MGAT4D: variants seen among roughly 807,000 people sequenced by gnomAD.
MGAT4D encodes alpha-1,3-mannosyl-glycoprotein 4-beta-N-acetylglucosaminyltransferase-like protein MGAT4D.
MGAT4D carries 34 observed loss-of-function variants against 15.9 expected under a neutral mutation model. That is an observed-to-expected ratio of 2.14 (90% CI 1.62 to 2.84). MGAT4D has a LOEUF of 2.84. Among genes scored for constraint, MGAT4D ranks in the 30% most tolerant of loss-of-function variants. The pLI is 0.00. For synonymous variants in MGAT4D, 112 were observed against 48.2 expected, an observed-to-expected ratio of 2.33 and a Z score of -5.49; for missense variants, 327 against 140.2, an observed-to-expected ratio of 2.33 and a Z score of -6.73.
chr4:140,472,102 A>C (rs1303017593), intron 4 of MGAT4D, among the ~76,000 whole-genome samples: 1 of 152,096 alleles, frequency 6.6e-6, no homozygotes, highest in Non-Finnish European at 1.5e-5. Context: ...GATATATAAG[A>C]TTACATAAAA....
At chr4:140,473,413 C>T (rs1732104561) in intron 4 of MGAT4D, among the ~76,000 whole-genome samples, 1 of 152,102 alleles carries the variant, frequency 6.6e-6, no homozygotes, top group African/African-American at 2.4e-5. Context: ...CACTGAAAAT[C>T]CTGAAATAAT....
Position 140,451,440 on chromosome 4 carries a change from T to A in MGAT4D, c.1086A>T (p.Ser362=), listed in dbSNP as rs1312477247. ...PSLFQHVGIH[S]SFPRKEQYEK... is the part of the protein sequence containing the mutation. Reference sequence around the variant, plus strand: ...CATATTGTTCTTTTCTAGGGAATGATGAATGTATACCCACATGCTGGAAAA... The same window carrying A: ...CATATTGTTCTTTTCTAGGGAATGAAGAATGTATACCCACATGCTGGAAAA... Residue 362 remains serine (S), a synonymous_variant, in exon 10 of 11, where the codon TCA becomes TCT. Transcript: ENST00000511113. 1.6e-6 allele frequency: 1 copy of A among 619,756 alleles called. No homozygotes were observed. The highest frequency in any genetic ancestry group is 2.9e-6 in the Non-Finnish European group (1 of 339,960). The allele number at this position is 619,756 out of a possible 1,614,324, so 38.4% of individuals were successfully genotyped here. A position where few individuals can be genotyped will look rare whatever the true frequency, so the allele number is the denominator to read the frequency against.
At chr4:140,493,464 T>A (rs1446677736) in intron 1 of MGAT4D, among the ~76,000 whole-genome samples, 1 of 151,660 alleles carries the variant, frequency 6.6e-6, no homozygotes, top group Non-Finnish European at 1.5e-5. Flanking sequence ...CCCGGCTAAT[T>A]TTTTGTATTT....
chr4:140,462,042 TATTA>T (rs1477606735), intron 6 of MGAT4D, 38 bp from the exon 7 acceptor site: 4 of 686,134 alleles, frequency 5.8e-6, no homozygotes, highest in African/African-American at 5.3e-5. Flanking sequence ...TATTTGTCAT[TATTA>T]ATTTTTATTT....
intron 6 of MGAT4D, 79 bp from the exon 7 acceptor site, chr4:140,462,083 C>G: frequency 1.6e-6 from 1 of 638,504 alleles, no homozygotes; most frequent in Non-Finnish European, 2.8e-6. Context: ...AATTAAAAAA[C>G]TCTTTGGCAG....
intron 5 of MGAT4D, among the ~76,000 whole-genome samples, chr4:140,469,389 T>G (rs1305088223): frequency 6.6e-6 from 1 of 152,226 alleles, no homozygotes; most frequent in Non-Finnish European, 1.5e-5. Flanking sequence ...AATGGTATTA[T>G]TCACACTTTG....
At chr4:140,481,899 G>T (rs1732757861) in intron 2 of MGAT4D, among the ~76,000 whole-genome samples, 1 of 152,208 alleles carries the variant, frequency 6.6e-6, no homozygotes, top group Non-Finnish European at 1.5e-5. Context: ...TTAGCTGTAT[G>T]TTACTAGTCA....
chr4:140,470,218 T>C (rs987462681), intron 5 of MGAT4D, among the ~76,000 whole-genome samples: 3 of 152,198 alleles, frequency 2.0e-5, no homozygotes, highest in Non-Finnish European at 4.4e-5. Context: ...TTTCCTCTAT[T>C]TGAACGACCA....
chr4:140,494,878 C>A (rs564590707), intron 1 of MGAT4D, among the ~76,000 whole-genome samples: 1 of 152,166 alleles, frequency 6.6e-6, no homozygotes, highest in Non-Finnish European at 1.5e-5. Context: ...AATTACCCAA[C>A]CCAAAATGTC....
chr4:140,493,719 G>A (rs556062613), intron 1 of MGAT4D, among the ~76,000 whole-genome samples: 42 of 152,216 alleles, frequency 2.8e-4, no homozygotes, highest in African/African-American at 9.1e-4. Context: ...TGTCTTTATA[G>A]GCCCCTCTAA....
Position 140,451,471 on chromosome 4 carries a change from G to A in MGAT4D, c.1055C>T (p.Pro352Leu). 4.9e-6 allele frequency: 3 copies of A among 616,574 alleles called. No individual in the cohort carries two copies. Among genetic ancestry groups the A allele is most frequent in the Non-Finnish European group, 8.9e-6 (3 of 337,116 alleles). 38.2% of individuals were successfully genotyped at this position (616,574 alleles called of 1,614,324 possible). ...RKKQIRIQYK[P>L]SLFQHVGIHS... ...TATACCCACATGCTGGAAAAGAGAA[G>A]GTTTATACTGAATACGTATTTGCTT... Residue 352 changes from proline to leucine, a missense_variant, in exon 10 of 11, where the codon CCT becomes CTT. Transcript: ENST00000511113.
chr4:140,456,264 T>A (rs181941542), intron 9 of MGAT4D, among the ~76,000 whole-genome samples: 2 of 152,364 alleles, frequency 1.3e-5, no homozygotes, highest in Admixed American at 1.3e-4. Flanking sequence ...GTTGCATCAT[T>A]TGAAAAATCT....
intron 1 of MGAT4D, among the ~76,000 whole-genome samples, chr4:140,495,315 C>G (rs994187398): frequency 7.9e-5 from 12 of 152,238 alleles, no homozygotes; most frequent in African/African-American, 2.9e-4. Context: ...TAAAACAGCA[C>G]TTTCCTTTCC....
At position 140,456,599 on chromosome 4, in the gene MGAT4D, C is replaced by A; in HGVS notation, c.998G>T (p.Gly333Val). ...DIFQVKVCDA[G>V]EDLRNCMKRK... ...AAAGTAAATACTCACAAGATCTTCT[C>A]CTGCGTCACACACCTTTACCTGAAA... is the stretch of plus-strand genomic sequence containing the variant. Residue 333 changes from glycine to valine, a missense_variant, in exon 9 of 11, where the codon GGA becomes GTA. Gly to Val is a moderately radical substitution (Grantham distance 109). Coordinates refer to ENST00000511113, the MANE Select transcript of MGAT4D (RefSeq NM_001277353.2). 1.5e-6 allele frequency: 1 copy of A among 672,796 alleles called. No homozygotes were observed. The highest frequency in any genetic ancestry group is 2.7e-6 in the Non-Finnish European group (1 of 371,178). The allele number at this position is 672,796 out of a possible 1,614,324, so 41.7% of individuals were successfully genotyped here.
intron 4 of MGAT4D, among the ~76,000 whole-genome samples, chr4:140,473,766 A>G (rs1732131422): frequency 6.6e-6 from 1 of 152,052 alleles, no homozygotes; most frequent in South Asian, 2.1e-4. Flanking sequence ...TGGTGCAATC[A>G]TGGCTCATTA....
intron 10 of MGAT4D, among the ~76,000 whole-genome samples, chr4:140,448,927 T>C (rs773028870): frequency 3.3e-5 from 5 of 152,230 alleles, no homozygotes; most frequent in African/African-American, 7.2e-5. Context: ...CAACAACTAC[T>C]ACAACAACAA....
intron 5 of MGAT4D, 56 bp downstream of exon 5, chr4:140,471,719 A>T (rs1004488692): frequency 5.8e-5 from 22 of 378,726 alleles, no homozygotes; most frequent in Admixed American, 4.1e-4. Context: ...GACAGAAAAA[A>T]TAAGATAGAA....
intron 4 of MGAT4D, among the ~76,000 whole-genome samples, chr4:140,473,074 T>C (rs1732077246): frequency 6.6e-6 from 1 of 152,128 alleles, no homozygotes; most frequent in South Asian, 2.1e-4. Context: ...ATGATATCTT[T>C]ATATCATTCC....
At chr4:140,455,776 T>C (rs1242031745) in intron 9 of MGAT4D, among the ~76,000 whole-genome samples, 1 of 152,216 alleles carries the variant, frequency 6.6e-6, no homozygotes, top group East Asian at 1.9e-4. Flanking sequence ...CCTTTTATTA[T>C]ATATAACATC....
Sources: gnomAD v4.1 joint callset for allele counts (sites outside exome capture counted in the v4.1 genomes callset) on GRCh38, gnomAD v4.1.1 for gene constraint, MANE v1.5 for transcripts, NCBI Gene and HGNC (gene_info 2026-07-23, HGNC 2026-07-21) for gene names.